The following PTPN9 variants were observed in gnomAD, a reference collection of about 807,000 sequenced individuals.
PTPN9 encodes tyrosine-protein phosphatase non-receptor type 9.
In PTPN9, 26 loss-of-function variants were observed where a neutral mutation model predicts 69.8. That is an observed-to-expected ratio of 0.37 (90% CI 0.27 to 0.52). The LOEUF (loss-of-function observed/expected upper bound fraction) is 0.52, where lower values mean the gene tolerates loss of function less well. Among genes scored for constraint, PTPN9 ranks in the 20% least tolerant of loss-of-function variants. The pLI is 0.91. For synonymous variants in PTPN9, 274 were observed against 272.5 expected, an observed-to-expected ratio of 1.01 and a Z score of -0.05; for missense variants, 549 against 740.3, an observed-to-expected ratio of 0.74 and a Z score of 3.00.
At chr15:75,492,562 A>G (rs180855723) in intron 7 of PTPN9, among the ~76,000 whole-genome samples, 52 of 152,294 alleles carry the variant, frequency 3.4e-4, no homozygotes, top group Admixed American at 3.2e-3. Context: ...CCAAGTTTGG[A>G]TCCCCTCAGC....
At chr15:75,559,604 A>C (rs937123745) in intron 1 of PTPN9, among the ~76,000 whole-genome samples, 1 of 152,050 alleles carries the variant, frequency 6.6e-6, no homozygotes, top group Non-Finnish European at 1.5e-5. Context: ...ACCACTCCCT[A>C]ATCTCAAGTA....
At chr15:75,567,063 T>C (rs2075129695) in intron 1 of PTPN9, among the ~76,000 whole-genome samples, 2 of 151,360 alleles carry the variant, frequency 1.3e-5, no homozygotes, top group African/African-American at 4.9e-5. Context: ...TCGCCCAGGC[T>C]GGAGTGCAGT....
intron 1 of PTPN9, among the ~76,000 whole-genome samples, chr15:75,546,414 C>A (rs1204673539): frequency 6.6e-6 from 1 of 151,926 alleles, no homozygotes; most frequent in Non-Finnish European, 1.5e-5. Flanking sequence ...GAGGCCGAGG[C>A]GGGCAGATCA....
intron 8 of PTPN9, chr15:75,480,759 G>T (rs1045762634): frequency 4.9e-6 from 6 of 1,227,976 alleles, no homozygotes; most frequent in Non-Finnish European, 6.2e-6. Flanking sequence ...AGTCTTTGCC[G>T]CCGCGCCGGC....
intron 1 of PTPN9, among the ~76,000 whole-genome samples, chr15:75,552,966 G>C (rs1036165150): frequency 6.6e-6 from 1 of 151,770 alleles, no homozygotes; most frequent in African/African-American, 2.4e-5. Flanking sequence ...AAAAAGCAAC[G>C]GCCTTTAGAG....
chr15:75,522,688 A>G (rs2074910646), intron 4 of PTPN9, among the ~76,000 whole-genome samples: 1 of 152,132 alleles, frequency 6.6e-6, no homozygotes, highest in South Asian at 2.1e-4. Flanking sequence ...TACAGGTGTG[A>G]GCCACTGCAC....
chr15:75,516,117 A>T (rs886908372), intron 5 of PTPN9, among the ~76,000 whole-genome samples: 2 of 152,022 alleles, frequency 1.3e-5, no homozygotes, highest in African/African-American at 4.8e-5. Flanking sequence ...ACCAGAAAAC[A>T]TGTTTAAGAA....
rs1430631216 is a variant in PTPN9 at position 75,468,682 on chromosome 15, A to G, written c.*87T>C. The G allele has an allele frequency of 8.6e-7, 1 of 1,161,090 alleles. No homozygotes were observed. The highest frequency in any genetic ancestry group is 1.3e-6 in the Non-Finnish European group (1 of 797,578). The allele number at this position is 1,161,090 out of a possible 1,614,324, so 71.9% of individuals were successfully genotyped here. On this transcript the variant is annotated 3_prime_UTR_variant, in exon 13 of 13. Transcript: ENST00000618819. ...AAGAAAGAAGTTGATCCATGGCTTC[A>G]GCGTAACTGATGGCAACCTATAGGC...
At chr15:75,472,699 A>C (rs2074574129) in intron 10 of PTPN9, among the ~76,000 whole-genome samples, 1 of 151,100 alleles carries the variant, frequency 6.6e-6, no homozygotes, top group African/African-American at 2.4e-5. Flanking sequence ...GAATCACTTG[A>C]ACCCAGGAGG....
intron 1 of PTPN9, among the ~76,000 whole-genome samples, chr15:75,570,707 C>T (rs1436933591): frequency 1.3e-5 from 2 of 151,034 alleles, no homozygotes; most frequent in African/African-American, 2.4e-5. Flanking sequence ...GCTGGGAGGT[C>T]GAGGCTGCAA....
At chr15:75,504,323 C>T in intron 7 of PTPN9, among the ~76,000 whole-genome samples, 1 of 126,002 alleles carries the variant, frequency 7.9e-6, no homozygotes, top group Non-Finnish European at 1.7e-5. Context: ...GCCCAGCCGC[C>T]CCTACTGGGA....
chr15:75,560,313 T>C (rs1257829656), intron 1 of PTPN9, among the ~76,000 whole-genome samples: 1 of 152,026 alleles, frequency 6.6e-6, no homozygotes, highest in Non-Finnish European at 1.5e-5. Context: ...ATGTGGAAAA[T>C]CTTGTATATT....
intron 7 of PTPN9, among the ~76,000 whole-genome samples, chr15:75,493,469 G>A (rs2074722531): frequency 6.6e-6 from 1 of 151,916 alleles, no homozygotes; most frequent in Admixed American, 6.6e-5. Context: ...ATGAAAATAT[G>A]AGAAAAACTG....
intron 1 of PTPN9, among the ~76,000 whole-genome samples, chr15:75,567,007 C>T (rs550848993): frequency 6.6e-6 from 1 of 151,544 alleles, no homozygotes; most frequent in Non-Finnish European, 1.5e-5. Flanking sequence ...TCTAAATAGC[C>T]CATTTTTTTT....
chr15:75,527,218 T>C lies in PTPN9; in HGVS notation c.107A>G (p.Gln36Arg), dbSNP rs1184825046. ...CCAAGACAGCGGGGAAACATTGTAC[T>C]GAACTGTCCACTTGTTAATCTCTTC... ...FLEEINKWTV[Q>R]YNVSPLSWNV... is the part of the protein sequence containing the mutation. The change falls in exon 2 of 13, where the codon CAG becomes CGG. Residue 36 changes from glutamine to arginine, a missense_variant. Coordinates refer to ENST00000618819, the MANE Select transcript of PTPN9 (RefSeq NM_002833.4). 2 of 1,614,168 alleles carry C rather than the reference T, an allele frequency of 1.2e-6. No homozygotes were observed. Among genetic ancestry groups the C allele is most frequent in the Admixed American group, 1.7e-5 (1 of 60,008 alleles).
At chr15:75,504,714 G>A (rs2074806025) in intron 7 of PTPN9, among the ~76,000 whole-genome samples, 1 of 142,186 alleles carries the variant, frequency 7.0e-6, no homozygotes, top group African/African-American at 2.6e-5. Flanking sequence ...CCGCCCGGGA[G>A]GTGAGGGGCG....
At chr15:75,538,508 G>A (rs1050502585) in intron 1 of PTPN9, among the ~76,000 whole-genome samples, 2 of 152,024 alleles carry the variant, frequency 1.3e-5, no homozygotes, top group African/African-American at 4.8e-5. Context: ...ACCAGCCTGA[G>A]GAACATGACA....
intron 2 of PTPN9, among the ~76,000 whole-genome samples, chr15:75,525,079 G>A (rs557778177): frequency 6.6e-6 from 1 of 152,110 alleles, no homozygotes; most frequent in Admixed American, 6.6e-5. Flanking sequence ...GGATGCCTAC[G>A]TTCTCACATA....
chr15:75,559,768 CAAAAAA>C lies in PTPN9; in HGVS notation c.63+18940_63+18945del, dbSNP rs5813803. ...GCGAGAAACACCCAAGAATGGTCAA[CAAAAAA>C]AAAAAAAAAAAGAAGAAAGAAAATA... On this transcript the variant is annotated intron_variant, in intron 1 of 12. Transcript: ENST00000618819. 5.4e-4 allele frequency among the ~76,000 whole-genome samples: 51 copies of C among 95,050 alleles called. No homozygotes were observed. The East Asian group carries it at 0.012, about 23-fold the overall frequency. The allele number at this position is 95,050 out of a possible 152,430, so 62.4% of individuals were successfully genotyped here.
Sources: gnomAD v4.1 joint callset for allele counts (sites outside exome capture counted in the v4.1 genomes callset) on GRCh38, gnomAD v4.1.1 for gene constraint, MANE v1.5 for transcripts, NCBI Gene and HGNC (gene_info 2026-07-23, HGNC 2026-07-21) for gene names.